Variants in SLC51A observed in about 807,000 individuals in gnomAD.
SLC51A encodes organic solute transporter subunit alpha.
Under a neutral mutation model 34.8 loss-of-function variants are expected in SLC51A, and 22 were observed. The observed-to-expected ratio is 0.63, with a 90% CI of 0.45 to 0.90. SLC51A has a LOEUF of 0.90. SLC51A is among the 40% of genes least tolerant of loss of function. The pLI is 0.00. For synonymous variants in SLC51A, 181 were observed against 176.3 expected, an observed-to-expected ratio of 1.03 and a Z score of -0.21; for missense variants, 371 against 414.8, an observed-to-expected ratio of 0.89 and a Z score of 0.92.
At chr3:196,229,689 T>TAAAAAAAA (rs77390915) in intron 6 of SLC51A, among the ~76,000 whole-genome samples, 4 of 135,598 alleles carry the variant, frequency 2.9e-5, no homozygotes, top group South Asian at 4.8e-4. Context: ...TCTCTATTAT[T>TAAAAAAAA]AAAAAAAAAA....
chr3:196,217,039 CCCGT>C (rs1189197455), intron 1 of SLC51A, among the ~76,000 whole-genome samples: 1 of 152,210 alleles, frequency 6.6e-6, no homozygotes, highest in Non-Finnish European at 1.5e-5. Context: ...CAGCAGGGGG[CCCGT>C]CCGTCTGTAA....
chr3:196,221,410 G>C (rs1723753140), intron 2 of SLC51A, among the ~76,000 whole-genome samples: 1 of 151,832 alleles, frequency 6.6e-6, no homozygotes, highest in Non-Finnish European at 1.5e-5. Context: ...GGGACTGCAG[G>C]CACACACCAC....
chr3:196,229,622 C>G (rs1171234716), intron 6 of SLC51A, among the ~76,000 whole-genome samples: 1 of 151,310 alleles, frequency 6.6e-6, no homozygotes, highest in Non-Finnish European at 1.5e-5. Context: ...GGTGATCCGC[C>G]CGCCTCTGCC....
intron 2 of SLC51A, among the ~76,000 whole-genome samples, chr3:196,223,688 G>A (rs1331006162): frequency 3.4e-5 from 5 of 149,252 alleles, no homozygotes; most frequent in Non-Finnish European, 7.4e-5. Flanking sequence ...CCTATTGTCT[G>A]AGTTTTTTTA....
chr3:196,220,084 G>A (rs1650759357), intron 2 of SLC51A, among the ~76,000 whole-genome samples: 1 of 152,254 alleles, frequency 6.6e-6, no homozygotes, highest in African/African-American at 2.4e-5. Context: ...GCGAGGTCTG[G>A]CAGGATTCAA....
intron 6 of SLC51A, 39 bp from the exon 7 acceptor site, chr3:196,229,876 A>C (rs140592642): frequency 1.3e-6 from 2 of 1,535,682 alleles, no homozygotes; most frequent in Non-Finnish European, 1.8e-6. Flanking sequence ...AGAGAGAGAG[A>C]GCTTGCCTGC....
intron 2 of SLC51A, chr3:196,223,947 C>G (rs769453145): frequency 2.7e-6 from 1 of 375,334 alleles, no homozygotes; most frequent in South Asian, 1.9e-5. Flanking sequence ...GCAACCTCCA[C>G]CTCCCAGTTC....
rs749818862 is a variant in SLC51A at position 196,232,372 on chromosome 3, G to A, written c.781-47G>A. On this transcript the variant is annotated intron_variant, in intron 7 of 8. Transcript: ENST00000296327. ...CAGTGGGCTGGCTGCGTTCTGTGCC[G>A]TGAGGGCAGGCCCAGTCCACCCTTG... The A allele has an allele frequency of 9.3e-6, 14 of 1,500,332 alleles. 1 individual carries two copies. Among genetic ancestry groups the A allele is most frequent in the East Asian group, 4.5e-5 (2 of 44,268 alleles). The allele number at this position is 1,500,332 out of a possible 1,614,324, so 92.9% of individuals were successfully genotyped here.
chr3:196,222,862 A>G (rs1723796863), intron 2 of SLC51A, among the ~76,000 whole-genome samples: 1 of 151,852 alleles, frequency 6.6e-6, no homozygotes, highest in South Asian at 2.1e-4. Context: ...AGAAGAGGCC[A>G]TCTCCTAAGA....
chr3:196,233,074 C>T lies in SLC51A; in HGVS notation c.898C>T (p.His300Tyr). ...ACCCTACACTGCAGTGATGAATTGC[C>T]ACCTCCTCATACTGGAGACTTTTCT... is the stretch of plus-strand genomic sequence containing the variant. ...SKTRSQVMNC[H>Y]LLILETFLMT... The change falls in exon 9 of 9, where the codon CAC becomes TAC. Residue 300 changes from histidine to tyrosine, a missense_variant. Physicochemically the swap from His to Tyr is moderately conservative, Grantham distance 83. Transcript: ENST00000296327. 6.2e-7 allele frequency: 1 copy of T among 1,614,108 alleles called. No individual in the cohort carries two copies. Among genetic ancestry groups the T allele is most frequent in the South Asian group, 1.1e-5 (1 of 91,074 alleles).
Position 196,216,558 on chromosome 3 carries a change from C to T in SLC51A, c.-155C>T, listed in dbSNP as rs530655210. 2.5e-6 allele frequency: 2 copies of T among 793,358 alleles called. No individual in the cohort carries two copies. The highest frequency in any genetic ancestry group is 2.7e-5 in the East Asian group (1 of 37,494). 49.1% of individuals were successfully genotyped at this position (793,358 alleles called of 1,614,324 possible). A position where few individuals can be genotyped will look rare whatever the true frequency, so the allele number is the denominator to read the frequency against. On this transcript the variant is annotated 5_prime_UTR_variant, in exon 1 of 9. Coordinates refer to ENST00000296327, the MANE Select transcript of SLC51A (RefSeq NM_152672.6). This position sits in a 1 kb window ranked among gnomAD's most constrained non-coding sequence, Gnocchi z 4.5. ...TGAGATAGAAAGTTGGCCCGGGAAG[C>T]TCAAGGAGGGAGAGCGGCAGAGGGG...
chr3:196,229,879 T>A, intron 6 of SLC51A, 36 bp from the exon 7 acceptor site: 1 of 1,559,108 alleles, frequency 6.4e-7, no homozygotes, highest in Non-Finnish European at 8.7e-7. Flanking sequence ...GAGAGAGAGC[T>A]TGCCTGCCTC....
chr3:196,231,086 C>T (rs1049552650), intron 7 of SLC51A, among the ~76,000 whole-genome samples: 3 of 152,234 alleles, frequency 2.0e-5, no homozygotes, highest in Admixed American at 6.5e-5. Context: ...GACCTACCTA[C>T]ACCATGTGCC....
rs557264238 is a variant in SLC51A at position 196,220,522 on chromosome 3, G to A, written c.133+2586G>A. On this transcript the variant is annotated intron_variant, in intron 2 of 8. Transcript: ENST00000296327. ...TGAGGCAGGAGAATCGCTTGAACCC[G>A]GGAGGCAGAGGTTGCAGTGAGCCGA... Among the ~76,000 whole-genome samples the A allele has an allele frequency of 6.0e-5, 9 of 151,200 alleles. No homozygotes were observed. In the South Asian group the frequency reaches 1.5e-3, roughly 25 times the overall value.
intron 7 of SLC51A, 99 bp from the exon 8 acceptor site, chr3:196,232,320 C>A (rs1724043721): frequency 3.6e-6 from 3 of 834,846 alleles, no homozygotes; most frequent in Non-Finnish European, 6.0e-6. Flanking sequence ...GTGGGTGGAA[C>A]CTGCCCAGCG....
At chr3:196,231,660 T>C (rs570306273) in intron 7 of SLC51A, among the ~76,000 whole-genome samples, 2 of 152,172 alleles carry the variant, frequency 1.3e-5, no homozygotes, top group South Asian at 2.1e-4. Context: ...GGCCGAAAGA[T>C]AAAAGCCGTG....
chr3:196,231,333 C>T (rs879734807), intron 7 of SLC51A, among the ~76,000 whole-genome samples: 36 of 152,200 alleles, frequency 2.4e-4, no homozygotes, highest in African/African-American at 8.0e-4. Flanking sequence ...CCACCTTCTA[C>T]GTGCTGCCTT....
intron 8 of SLC51A, 52 bp downstream of exon 8, chr3:196,232,576 G>A: frequency 6.8e-7 from 1 of 1,474,806 alleles, no homozygotes; most frequent in Non-Finnish European, 9.5e-7. Context: ...GACGGGGAGA[G>A]TCAGGAAAGA....
At chr3:196,218,172 C>T (rs544492231) in intron 2 of SLC51A, among the ~76,000 whole-genome samples, 2 of 152,346 alleles carry the variant, frequency 1.3e-5, no homozygotes, top group African/African-American at 2.4e-5. Context: ...TGGGCCTCCA[C>T]AAAACTGGCC....
Sources: allele counts gnomAD v4.1 joint callset (sites outside exome capture counted in the v4.1 genomes callset), GRCh38; gene constraint gnomAD v4.1.1; non-coding constraint Gnocchi (gnomAD v3.1); transcripts MANE v1.5; gene names NCBI Gene and HGNC (gene_info 2026-07-23, HGNC 2026-07-21).